SRRM4: variants seen among roughly 807,000 people sequenced by gnomAD.
The protein encoded by SRRM4 is serine/arginine repetitive matrix 4, also known as serine/arginine repetitive matrix protein 4.
Under a neutral mutation model 68.9 loss-of-function variants are expected in SRRM4, and 33 were observed. That is an observed-to-expected ratio of 0.48 (90% confidence interval 0.36 to 0.64). The LOEUF (loss-of-function observed/expected upper bound fraction) is 0.64, where lower values mean the gene tolerates loss of function less well. Among genes scored for constraint, SRRM4 ranks in the 30% least tolerant of loss-of-function variants. The pLI is 0.00. For synonymous variants in SRRM4, 318 were observed against 318.8 expected (o/e 1.00, Z 0.03); for missense variants, 817 against 827.1 (o/e 0.99, Z 0.15).
chr12:118,981,761 C>T lies in SRRM4; in HGVS notation c.-122C>T. The T allele has an allele frequency of 8.6e-7, 1 of 1,169,088 alleles. No individual in the cohort carries two copies. The allele number at this position is 1,169,088 out of a possible 1,614,324, so 72.4% of individuals were successfully genotyped here. On this transcript the variant is annotated 5_prime_UTR_variant, in exon 1 of 13. Coordinates refer to ENST00000267260, the MANE Select transcript of SRRM4 (RefSeq NM_194286.4). ...CCCCGCCCTGAACTCCGATCTCTCC[C>T]ACCCCACCCCTCTCTGGGTTTCACC... is the stretch of plus-strand genomic sequence containing the variant.
At chr12:119,121,980 A>G in intron 5 of SRRM4, 90 bp from the exon 6 acceptor site, 1 of 846,208 alleles carries the variant, frequency 1.2e-6, no homozygotes, top group Non-Finnish European at 2.0e-6. Flanking sequence ...AACTGCCTGG[A>G]TCTCACACTG....
At chr12:119,028,432 A>T (rs139673829) in intron 1 of SRRM4, among the ~76,000 whole-genome samples, 156 of 152,176 alleles carry the variant, frequency 1.0e-3, no homozygotes, top group Non-Finnish European at 2.0e-3. Flanking sequence ...ACAAGATCTG[A>T]TGGTTTTATA....
At chr12:119,037,312 C>G (rs901799839) in intron 1 of SRRM4, among the ~76,000 whole-genome samples, 6 of 152,084 alleles carry the variant, frequency 3.9e-5, no homozygotes, top group African/African-American at 1.4e-4. Context: ...TAAGGATCAT[C>G]ATCAGAAAAT....
At chr12:119,125,357 C>G (rs1325580772) in intron 6 of SRRM4, 24 bp from the exon 7 acceptor site, 1 of 1,603,714 alleles carries the variant, frequency 6.2e-7, no homozygotes, top group African/African-American at 1.3e-5. Flanking sequence ...TCTCCTCTGA[C>G]TCGTTCCTTC....
rs537814231 is a variant in SRRM4 at position 119,115,983 on chromosome 12, C to T, written c.366-954C>T. On this transcript the variant is annotated intron_variant, in intron 3 of 12. Coordinates refer to ENST00000267260, the MANE Select transcript of SRRM4 (RefSeq NM_194286.4). ...AAGGCAGGTGCTGTAGAAGCCCAGA[C>T]CTGAATTCCTACACAGGATCTTCGG... Among the ~76,000 whole-genome samples the T allele has an allele frequency of 6.6e-5, 10 of 152,158 alleles. No individual in the cohort carries two copies. The East Asian group carries it at 1.7e-3, about 26-fold the overall frequency.
intron 1 of SRRM4, among the ~76,000 whole-genome samples, chr12:118,988,708 G>A (rs1380533861): frequency 2.6e-5 from 4 of 152,156 alleles, no homozygotes; most frequent in East Asian, 1.9e-4. Flanking sequence ...ACTACTCAAC[G>A]TAACAGTGAA....
chr12:118,982,413 C>T (rs964198017), intron 1 of SRRM4, among the ~76,000 whole-genome samples: 1 of 152,140 alleles, frequency 6.6e-6, no homozygotes, highest in African/African-American at 2.4e-5. Flanking sequence ...TGAGCCAGCT[C>T]AAGCAGCGTT....
intron 4 of SRRM4, 36 bp from the exon 5 acceptor site, chr12:119,120,214 T>G: frequency 2.0e-6 from 3 of 1,466,234 alleles, no homozygotes; most frequent in Non-Finnish European, 2.8e-6. Flanking sequence ...TTTTCTTTGA[T>G]TCTTCTTTTC....
At chr12:119,027,424 A>G (rs191539521) in intron 1 of SRRM4, among the ~76,000 whole-genome samples, 1 of 152,252 alleles carries the variant, frequency 6.6e-6, no homozygotes, top group East Asian at 1.9e-4. Flanking sequence ...TTCAATGGCA[A>G]TTTTCCTTCG....
At chr12:119,030,845 T>C (rs1055953783) in intron 1 of SRRM4, among the ~76,000 whole-genome samples, 5 of 152,182 alleles carry the variant, frequency 3.3e-5, no homozygotes, top group African/African-American at 1.2e-4. Flanking sequence ...TTTCATATGG[T>C]TCACCTGTAT....
rs1038754903 is a variant in SRRM4, at chr12:119,125,273, G to A, written c.516-108G>A. 3.8e-5 allele frequency: 37 copies of A among 961,414 alleles called. 1 individual carries two copies. In the Admixed American group the frequency reaches 8.0e-4, roughly 21 times the overall value. The allele number at this position is 961,414 out of a possible 1,614,324, so 59.6% of individuals were successfully genotyped here. A position where few individuals can be genotyped will look rare whatever the true frequency, so the allele number is the denominator to read the frequency against. Reference sequence around the variant, plus strand: ...GGAGATGGAGAACTTCGGGAGGGATGGTGACCAGTGCAAAGGAAAAACGGG... The same window carrying A: ...GGAGATGGAGAACTTCGGGAGGGATAGTGACCAGTGCAAAGGAAAAACGGG... On this transcript the variant is annotated intron_variant, in intron 6 of 12. Transcript: ENST00000267260.
Position 119,161,638 on chromosome 12 carries a change from A to C in SRRM4, c.*4840A>C. ...CACCTCTTTCCCTGAATTGCTATTGAGAATTGGTCCATCTCCCAGCTCCAG... is the reference window on the plus strand; with the variant it reads ...CACCTCTTTCCCTGAATTGCTATTGCGAATTGGTCCATCTCCCAGCTCCAG... On this transcript the variant is annotated 3_prime_UTR_variant, in exon 13 of 13. Coordinates refer to ENST00000267260, the MANE Select transcript of SRRM4 (RefSeq NM_194286.4). 6.6e-6 allele frequency: 1 copy of C among 152,624 alleles called. No individual in the cohort carries two copies. Among genetic ancestry groups the C allele is most frequent in the East Asian group, 1.9e-4 (1 of 5,194 alleles). The allele number at this position is 152,624 out of a possible 1,614,324, so 9.5% of individuals were successfully genotyped here.
At chr12:119,079,545 G>A (rs1303886226) in intron 1 of SRRM4, among the ~76,000 whole-genome samples, 6 of 152,140 alleles carry the variant, frequency 3.9e-5, no homozygotes, top group East Asian at 3.9e-4. Context: ...CCCCAGCCTC[G>A]TGTGTTTGCA....
In SRRM4 at chr12:119,151,126, G is replaced by T; in HGVS notation, c.1186G>T (p.Ala396Ser). Residue 396 changes from alanine (A) to serine (S), a missense_variant, in exon 10 of 13, where the codon GCC (alanine) becomes TCC (serine). Ala to Ser is a moderately conservative substitution (Grantham distance 99). Transcript: ENST00000267260. The stretch of plus-strand genomic sequence containing the variant: ...AGGGTGTTCCCGCAGCTCCTCCTAT[G>T]CCAGCACCCGATCCTCCAGTCACTC... ...MKGCSRSSSY[A>S]STRSSSHSSR... 1 of 1,613,942 alleles carries T rather than the reference G, an allele frequency of 6.2e-7. No homozygotes were observed. The highest frequency in any genetic ancestry group is 8.5e-7 in the Non-Finnish European group (1 of 1,179,864).
intron 1 of SRRM4, among the ~76,000 whole-genome samples, chr12:118,987,779 C>A (rs930171596): frequency 6.6e-6 from 1 of 152,210 alleles, no homozygotes; most frequent in African/African-American, 2.4e-5. Flanking sequence ...TACTATTTGC[C>A]AGGCCCATTG....
intron 1 of SRRM4, among the ~76,000 whole-genome samples, chr12:119,076,823 C>A (rs1471702141): frequency 1.3e-5 from 2 of 152,204 alleles, no homozygotes; most frequent in Non-Finnish European, 2.9e-5. Flanking sequence ...TTCTCGATAG[C>A]AAACTCTGGG....
chr12:118,982,727 G>C (rs1261802441), intron 1 of SRRM4, among the ~76,000 whole-genome samples: 1 of 149,218 alleles, frequency 6.7e-6, no homozygotes. Flanking sequence ...TGAACTCAGG[G>C]ATGAGAACCG....
chr12:119,051,754 C>T (rs1413070406), intron 1 of SRRM4, among the ~76,000 whole-genome samples: 2 of 152,216 alleles, frequency 1.3e-5, no homozygotes, highest in African/African-American at 2.4e-5. Flanking sequence ...TTTGAGTACA[C>T]AATCCCATCC....
intron 10 of SRRM4, among the ~76,000 whole-genome samples, chr12:119,151,971 G>A (rs1954442216): frequency 6.6e-6 from 1 of 152,214 alleles, no homozygotes; most frequent in African/African-American, 2.4e-5. Flanking sequence ...TGCAGGGGAT[G>A]TGGACACTGG....
Sources: gnomAD v4.1 joint callset for allele counts (sites outside exome capture counted in the v4.1 genomes callset) on GRCh38, gnomAD v4.1.1 for gene constraint, MANE v1.5 for transcripts, NCBI Gene and HGNC (gene_info 2026-07-23, HGNC 2026-07-21) for gene names.